Variants in DHX38 observed in about 807,000 individuals in gnomAD.
DHX38 encodes the protein pre-mRNA-splicing factor ATP-dependent RNA helicase PRP16.
Under a neutral mutation model 153.1 loss-of-function variants are expected in DHX38, and 100 were observed. That is an observed-to-expected ratio of 0.65 (90% CI 0.56 to 0.77). The LOEUF (loss-of-function observed/expected upper bound fraction) is 0.77. DHX38 is among the 30% of genes least tolerant of loss of function. The pLI, the probability that DHX38 is intolerant of heterozygous loss-of-function variation, is 0.00. For missense variants in DHX38, 1,440 were observed against 1,654.0 expected (o/e 0.87, Z 2.24); for synonymous variants, 650 against 631.7 (o/e 1.03, Z -0.43).
chr16:72,099,010 A>G lies in DHX38; in HGVS notation c.848A>G (p.His283Arg). ...AACGAGTGGGCCGATGACAGAAGAC[A>G]CTTGGGGTCCACCCCGCGTCTGTCC... ...KYNEWADDRRHLGSTPRLSRG... is the reference protein window; with the variant it reads ...KYNEWADDRRRLGSTPRLSRG... Residue 283 changes from histidine to arginine, a missense_variant, in exon 6 of 27, where the codon CAC becomes CGC. By Grantham distance (29) the His-to-Arg change is conservative (BLOSUM62 0). This residue lies in a region of DHX38 where 483 missense variants were observed against 465.1 expected (regional missense o/e 1.04). Transcript: ENST00000268482. 1 of 1,613,112 alleles carries G rather than the reference A, an allele frequency of 6.2e-7. No homozygotes were observed. Among genetic ancestry groups the G allele is most frequent in the East Asian group, 2.2e-5 (1 of 44,882 alleles).
Position 72,104,326 on chromosome 16 carries a change from G to A in DHX38, c.2011-160G>A. ...GCTGAGGGTGGCTTGGGGTTTTCTGGGCAGTGGCTCCATTGCTTCAGTCTT... is the reference window on the plus strand; with the variant it reads ...GCTGAGGGTGGCTTGGGGTTTTCTGAGCAGTGGCTCCATTGCTTCAGTCTT... On this transcript the variant is annotated intron_variant, in intron 14 of 26. Transcript: ENST00000268482. This position sits in a 1 kb window ranked among gnomAD's most constrained non-coding sequence, Gnocchi z 4.5. The A allele has an allele frequency of 8.2e-7, 1 of 1,222,266 alleles. No homozygotes were observed. Among genetic ancestry groups the A allele is most frequent in the East Asian group, 2.6e-5 (1 of 39,202 alleles). 75.7% of individuals were successfully genotyped at this position (1,222,266 alleles called of 1,614,324 possible). A position where few individuals can be genotyped will look rare whatever the true frequency, so the allele number is the denominator to read the frequency against.
rs771552847 is a variant in DHX38 at position 72,106,064 on chromosome 16, T to G, written c.2547T>G (p.Asn849Lys). ...AGATCTATCCCATTAGCCAGGCCAATGCCAACCAGCGGTCAGGGCGAGCCG... is the reference window on the plus strand; with the variant it reads ...AGATCTATCCCATTAGCCAGGCCAAGGCCAACCAGCGGTCAGGGCGAGCCG... ...ALQIYPISQANANQRSGRAGR... is the reference protein window; with the variant it reads ...ALQIYPISQAKANQRSGRAGR... The change falls in exon 19 of 27, where the codon AAT becomes AAG. Residue 849 changes from asparagine (N) to lysine (K), a missense_variant. Around this residue, in one of 6 missense-constraint regions of DHX38, gnomAD observed 543 missense variants for 717.9 expected, o/e 0.76. Coordinates refer to ENST00000268482, the MANE Select transcript of DHX38 (RefSeq NM_014003.4). 1 of 1,614,232 alleles carries G rather than the reference T, an allele frequency of 6.2e-7. No individual in the cohort carries two copies. Among genetic ancestry groups the G allele is most frequent in the South Asian group, 1.1e-5 (1 of 91,090 alleles).
At chr16:72,105,407 G>A in intron 17 of DHX38, 59 bp downstream of exon 17, 2 of 1,600,308 alleles carry the variant, frequency 1.2e-6, no homozygotes, top group Non-Finnish European at 1.7e-6. Context: ...AAGCGAGAGG[G>A]GATGTGACTG....
rs765677017 is a variant in DHX38 at position 72,103,786 on chromosome 16, G to C, written c.1822G>C (p.Glu608Gln). The C allele has an allele frequency of 6.2e-7, 1 of 1,609,352 alleles. No homozygotes were observed. Among genetic ancestry groups the C allele is most frequent in the Non-Finnish European group, 8.5e-7 (1 of 1,175,932 alleles). Residue 608 changes from glutamate to glutamine, a missense_variant and splice_region_variant, in exon 13 of 27, where the codon GAG becomes CAG. This residue lies in a region of DHX38 where 241 missense variants were observed against 229.5 expected (regional missense o/e 1.05). Coordinates refer to ENST00000268482, the MANE Select transcript of DHX38 (RefSeq NM_014003.4). Reference sequence around the variant, plus strand: ...AGAGATGGGGGGAAACCTTGGCGAGGAGGTGAGTGGGCGTGGGGGCTGAGC... The same window carrying C: ...AGAGATGGGGGGAAACCTTGGCGAGCAGGTGAGTGGGCGTGGGGGCTGAGC... ...SEEMGGNLGE[E>Q]VGYAIRFEDC...
Position 72,111,087 on chromosome 16 carries a change from G to A in DHX38, c.3599+10G>A, listed in dbSNP as rs756517556. 1.3e-5 allele frequency: 20 copies of A among 1,549,838 alleles called. No individual in the cohort carries two copies. Among genetic ancestry groups the A allele is most frequent in the South Asian group, 6.0e-5 (5 of 83,744 alleles). ...CCCTGGGCAGTGTCAGGTGAGCTCC[G>A]GCCTTCGGGCTCTGGCTGGGGTGGC... On this transcript the variant is annotated intron_variant, in intron 26 of 26. Transcript: ENST00000268482.
chr16:72,106,552 G>A (rs768136247), intron 19 of DHX38, among the ~76,000 whole-genome samples: 9 of 151,774 alleles, frequency 5.9e-5, no homozygotes, highest in Admixed American at 3.3e-4. Flanking sequence ...GCACTCAAGT[G>A]AACCTCCCAC....
rs910462243 is a variant in DHX38 at position 72,107,556 on chromosome 16, G to A, written c.2809+8G>A. 9.3e-6 allele frequency: 15 copies of A among 1,610,712 alleles called. No individual in the cohort carries two copies. The highest frequency in any genetic ancestry group is 2.2e-5 in the East Asian group (1 of 44,798). On this transcript the variant is annotated splice_region_variant and intron_variant, in intron 20 of 26. Transcript: ENST00000268482. The surrounding 1 kb of genome is among the most constrained non-coding windows in gnomAD (Gnocchi z 5.3). ...GGGCCCTGGACAACACAGGTGAGGC[G>A]GCCCCGGGAGCCTCATGGGTGCTGG...
Position 72,104,493 on chromosome 16 carries a change from C to A in DHX38, c.2018C>A (p.Ala673Asp), listed in dbSNP as rs755072364. The change falls in exon 15 of 27, where the codon GCT becomes GAT. Residue 673 changes from alanine (A) to aspartate (D), a missense_variant. Ala to Asp is a moderately radical substitution (Grantham distance 126). This residue lies in a region of DHX38 where 543 missense variants were observed against 717.9 expected (regional missense o/e 0.76). Coordinates refer to ENST00000268482, the MANE Select transcript of DHX38 (RefSeq NM_014003.4). The surrounding 1 kb of genome is among the most constrained non-coding windows in gnomAD (Gnocchi z 4.5). ...AGCCGCCTCTTCTCTCAGGTAGTGGCTCGGCGCTCAGACCTGAAGCTCATC... is the reference window on the plus strand; with the variant it reads ...AGCCGCCTCTTCTCTCAGGTAGTGGATCGGCGCTCAGACCTGAAGCTCATC... Reference protein sequence around the residue: ...VLFGLLREVVARRSDLKLIVT... With the variant: ...VLFGLLREVVDRRSDLKLIVT... 6.2e-7 allele frequency: 1 copy of A among 1,613,902 alleles called. No homozygotes were observed. The highest frequency in any genetic ancestry group is 1.1e-5 in the South Asian group (1 of 91,076).
rs781532987 is a variant in DHX38, at chr16:72,109,554, G to A, written c.3477+44G>A. The A allele has an allele frequency of 1.6e-5, 25 of 1,573,172 alleles. No homozygotes were observed. In the African/African-American group the frequency reaches 2.3e-4, roughly 15 times the overall value. ...TCGCAGGGGTGCTGTTTGCCTGTGG[G>A]GTCGGTGTTCCCTCCGCTTGGTATT... On this transcript the variant is annotated intron_variant, in intron 25 of 26. Transcript: ENST00000268482.
At position 72,099,594 on chromosome 16, in the gene DHX38, G is replaced by T. The variant is rs1203954401; in HGVS notation, c.961-138G>T. 4 of 1,173,042 alleles carry T rather than the reference G, an allele frequency of 3.4e-6. No individual in the cohort carries two copies. The African/African-American group carries it at 4.6e-5, about 13-fold the overall frequency. The allele number at this position is 1,173,042 out of a possible 1,614,324, so 72.7% of individuals were successfully genotyped here. A position where few individuals can be genotyped will look rare whatever the true frequency, so the allele number is the denominator to read the frequency against. ...TCCAGATGGCATGTGTCTGCAGGGA[G>T]GCCTCTCCTGCACCCCTCACAAGGG... is the stretch of plus-strand genomic sequence containing the variant. On this transcript the variant is annotated intron_variant, in intron 7 of 26. Coordinates refer to ENST00000268482, the MANE Select transcript of DHX38 (RefSeq NM_014003.4).
rs374496350 is a variant in DHX38 at position 72,103,625 on chromosome 16, T to C, written c.1661T>C (p.Val554Ala). 6.5e-5 allele frequency: 105 copies of C among 1,611,074 alleles called. No individual in the cohort carries two copies. The highest frequency in any genetic ancestry group is 1.6e-4 in the Middle Eastern group (1 of 6,072). Reference protein sequence around the residue: ...IIRDNSIVIVVGETGSGKTTQ... With the variant: ...IIRDNSIVIVAGETGSGKTTQ... ...AGAGACAACAGCATCGTGATCGTGG[T>C]TGGGGAGACGGGGAGTGGTAAGACC... The change falls in exon 13 of 27, where the codon GTT becomes GCT. Residue 554 changes from valine (V) to alanine (A), a missense_variant. Physicochemically the swap from Val to Ala is moderately conservative, Grantham distance 64 (BLOSUM62 0). Transcript: ENST00000268482.
chr16:72,099,625 C>T lies in DHX38; in HGVS notation c.961-107C>T, dbSNP rs2042071083. On this transcript the variant is annotated intron_variant, in intron 7 of 26. Coordinates refer to ENST00000268482, the MANE Select transcript of DHX38 (RefSeq NM_014003.4). ...TCCTGCACCCCTCACAAGGGTAGCT[C>T]CACTGCAGTAGTGACTTCCTACCAA... The T allele has an allele frequency of 4.1e-6, 6 of 1,452,998 alleles. 1 individual carries two copies. The highest frequency in any genetic ancestry group is 5.6e-6 in the Non-Finnish European group (6 of 1,069,320). The allele number at this position is 1,452,998 out of a possible 1,614,324, so 90.0% of individuals were successfully genotyped here. A position where few individuals can be genotyped will look rare whatever the true frequency, so the allele number is the denominator to read the frequency against.
rs1357454876 is a variant in DHX38, at chr16:72,108,480, A to C, written c.3128A>C (p.Glu1043Ala). ...CTCCGTCTCCTGCCCTAGGTCCGGG[A>C]GGTGCGAGCTCAACTCAAGGACATC... is the stretch of plus-strand genomic sequence containing the variant. The part of the protein sequence containing the change: ...IHAKAMRKVR[E>A]VRAQLKDIMV... Residue 1043 changes from glutamate (E) to alanine (A), a missense_variant, in exon 23 of 27, where the codon GAG (glutamate) becomes GCG (alanine). Transcript: ENST00000268482. 6.2e-7 allele frequency: 1 copy of C among 1,614,078 alleles called. No homozygotes were observed. The highest frequency in any genetic ancestry group is 8.5e-7 in the Non-Finnish European group (1 of 1,179,986).
At chr16:72,102,952 TTTGGTGTCTCAGACTC>T in intron 11 of DHX38, 106 bp from the exon 12 acceptor site, 3 of 1,381,916 alleles carry the variant, frequency 2.2e-6, no homozygotes, top group Non-Finnish European at 3.0e-6. Flanking sequence ...CCCTGGCTGC[TTTGGTGTCTCAGACTC>T]TTGCCGAAGT....
rs1434856942 is a variant in DHX38 at position 72,104,625 on chromosome 16, AG to A, written c.2151+1del. On this transcript the variant is annotated frameshift_variant and splice_region_variant, in exon 15 of 27. Transcript: ENST00000268482. LOFTEE classifies it high-confidence loss of function. The surrounding 1 kb of genome is among the most constrained non-coding windows in gnomAD (Gnocchi z 4.5). Reference protein sequence around the residue: ...RTFPVDILFSKTPQEDYVEAA... With the variant: ...RTFPVDILFSXTPQEDYVEAA... ...TTCCCTGTTGACATCCTCTTCAGCAAGGTATTGAGGCCACCATGTTACGAAC... is the reference window on the plus strand; with the variant it reads ...TTCCCTGTTGACATCCTCTTCAGCAAGTATTGAGGCCACCATGTTACGAAC... 1 of 1,613,964 alleles carries A rather than the reference AG, an allele frequency of 6.2e-7. No individual in the cohort carries two copies. The highest frequency in any genetic ancestry group is 8.5e-7 in the Non-Finnish European group (1 of 1,180,006).
rs2042190834 is a variant in DHX38 at position 72,107,260 on chromosome 16, T to A, written c.2601-80T>A. 7 of 1,416,722 alleles carry A rather than the reference T, an allele frequency of 4.9e-6. No individual in the cohort carries two copies. In the African/African-American group the frequency reaches 8.6e-5, roughly 17 times the overall value. 87.8% of individuals were successfully genotyped at this position (1,416,722 alleles called of 1,614,324 possible). On this transcript the variant is annotated intron_variant, in intron 19 of 26. Coordinates refer to ENST00000268482, the MANE Select transcript of DHX38 (RefSeq NM_014003.4). The surrounding 1 kb of genome is among the most constrained non-coding windows in gnomAD (Gnocchi z 5.3). ...GTGGGGAGAAGAAATGAGAATTTCC[T>A]CCCTCCCTGTGGGATTTCATCTGTA...
At chr16:72,097,578 A>C in intron 3 of DHX38, 99 bp from the exon 4 acceptor site, 2 of 1,121,004 alleles carry the variant, frequency 1.8e-6, no homozygotes, top group Non-Finnish European at 2.6e-6. Flanking sequence ...TGCAGGTTGC[A>C]CCTGTGAGTG....
Position 72,098,685 on chromosome 16 carries a change from C to T in DHX38, c.657C>T (p.Asp219=), listed in dbSNP as rs768269789. ...TPSRSTWEEE[D]SGYGSSRRSQ... ...CAAGGTCTACCTGGGAGGAAGAGGACAGTGGCTATGGCTCCTCAAGGCGCT... is the reference window on the plus strand; with the variant it reads ...CAAGGTCTACCTGGGAGGAAGAGGATAGTGGCTATGGCTCCTCAAGGCGCT... Residue 219 remains aspartate (D), a synonymous_variant, in exon 5 of 27, where the codon GAC becomes GAT. Coordinates refer to ENST00000268482, the MANE Select transcript of DHX38 (RefSeq NM_014003.4). The T allele has an allele frequency of 1.9e-6, 3 of 1,613,958 alleles. No homozygotes were observed. The highest frequency in any genetic ancestry group is 1.7e-6 in the Non-Finnish European group (2 of 1,180,014).
chr16:72,112,024 C>T (rs2042263580), intron 26 of DHX38: 2 of 224,436 alleles, frequency 8.9e-6, no homozygotes, highest in Non-Finnish European at 1.8e-5. Flanking sequence ...CTGAGGGGCC[C>T]CCATGAATAG....
Sources: gnomAD v4.1 joint callset for allele counts (sites outside exome capture counted in the v4.1 genomes callset) on GRCh38, gnomAD v4.1.1 for gene constraint, gnomAD v4.1.1 regional missense constraint, Gnocchi (gnomAD v3.1) non-coding constraint, MANE v1.5 for transcripts, NCBI Gene and HGNC (gene_info 2026-07-23, HGNC 2026-07-21) for gene names.